Variants in ST6GALNAC4 observed in about 807,000 individuals in gnomAD.
ST6GALNAC4 encodes the protein alpha-N-acetyl-neuraminyl-2,3-beta-galactosyl-1,3-N-acetyl-galactosaminide alpha-2,6-sialyltransferase.
Under a neutral mutation model 30.4 loss-of-function variants are expected in ST6GALNAC4, and 24 were observed. That is an observed-to-expected ratio of 0.79 (90% confidence interval 0.57 to 1.11). The LOEUF is 1.11. ST6GALNAC4 is among the 50% of genes most tolerant of loss of function. The probability of loss-of-function intolerance (pLI) is 0.00; values close to 1 mark genes in which losing one functional copy is unlikely to be tolerated. For synonymous variants in ST6GALNAC4, 156 were observed against 179.7 expected (o/e 0.87, Z 1.05); for missense variants, 365 against 430.1 (o/e 0.85, Z 1.34).
In ST6GALNAC4 at chr9:127,908,412, G is replaced by A. The variant is rs748783853; in HGVS notation, c.889C>T (p.Pro297Ser). ...GGAAGCTACTCAGTCCTCCAGGACGGATGGGCGAACACGATGGGCCTCTTC... is the reference window on the plus strand; with the variant it reads ...GGAAGCTACTCAGTCCTCCAGGACGAATGGGCGAACACGATGGGCCTCTTC... ...AKKRPIVFAHPSWRTE is the reference protein window; with the variant it reads ...AKKRPIVFAHSSWRTE The change falls in exon 6 of 6, where the codon CCG (proline) becomes TCG (serine). Residue 297 changes from proline (P) to serine (S), a missense_variant. Pro to Ser is a moderately conservative substitution (Grantham distance 74). Transcript: ENST00000335791. The A allele has an allele frequency of 1.1e-5, 17 of 1,576,692 alleles. No homozygotes were observed. In the South Asian group the frequency reaches 1.8e-4, roughly 17 times the overall value.
At position 127,916,421 on chromosome 9, in the gene ST6GALNAC4, C is replaced by G. The variant is rs776395492; in HGVS notation, c.-2G>C. Reference sequence around the variant, plus strand: ...CTTCCCACTTACCGGAGCCTTCATGCTGTCGCTGTCCCTCAGTAGTCTAGG... The same window carrying G: ...CTTCCCACTTACCGGAGCCTTCATGGTGTCGCTGTCCCTCAGTAGTCTAGG... On this transcript the variant is annotated 5_prime_UTR_variant, in exon 2 of 6. Transcript: ENST00000335791. 1 of 1,614,226 alleles carries G rather than the reference C, an allele frequency of 6.2e-7. No individual in the cohort carries two copies. Among genetic ancestry groups the G allele is most frequent in the Non-Finnish European group, 8.5e-7 (1 of 1,180,038 alleles).
At chr9:127,910,459 T>C in intron 4 of ST6GALNAC4, 2 of 1,027,468 alleles carry the variant, frequency 1.9e-6, no homozygotes, top group Non-Finnish European at 2.3e-6. Flanking sequence ...CCAAGGATCT[T>C]CCACTTGAAC....
intron 5 of ST6GALNAC4, 32 bp from the exon 6 acceptor site, chr9:127,908,613 C>T (rs780055014): frequency 4.6e-6 from 7 of 1,522,134 alleles, no homozygotes; most frequent in Non-Finnish European, 6.2e-6. Context: ...TGGGGTGGGA[C>T]AGAACCCACT....
At chr9:127,913,383 G>C (rs1286160121) in intron 3 of ST6GALNAC4, among the ~76,000 whole-genome samples, 1 of 145,222 alleles carries the variant, frequency 6.9e-6, no homozygotes, top group East Asian at 2.1e-4. Context: ...TCAGGAGTTC[G>C]AGACCAGCCT....
chr9:127,913,257 C>T (rs917681894), intron 3 of ST6GALNAC4, among the ~76,000 whole-genome samples: 3 of 152,240 alleles, frequency 2.0e-5, no homozygotes, highest in Non-Finnish European at 4.4e-5. Context: ...GGCCTCTGTG[C>T]GCCTCAAGTC....
At chr9:127,912,712 A>T (rs1205129907) in intron 3 of ST6GALNAC4, 32 bp from the exon 4 acceptor site, 3 of 1,522,680 alleles carry the variant, frequency 2.0e-6, no homozygotes, top group Admixed American at 3.9e-5. Context: ...AGAGACAGAG[A>T]GGCATGAACA....
Position 127,909,998 on chromosome 9 carries a change from C to G in ST6GALNAC4, c.672G>C (p.Leu224=). 6.2e-7 allele frequency: 1 copy of G among 1,613,524 alleles called. No individual in the cohort carries two copies. Among genetic ancestry groups the G allele is most frequent in the Non-Finnish European group, 8.5e-7 (1 of 1,179,986 alleles). ...TCCCATAGACCACGATCTCCTCACA[C>G]AGCTCCAGCGCGAGGATCATGGTGA... ...GWFTMILALE[L]CEEIVVYGMV... The change falls in exon 5 of 6, where the codon CTG becomes CTC. Residue 224 remains leucine, a synonymous_variant. Transcript: ENST00000335791.
rs202036552 is a variant in ST6GALNAC4 at position 127,908,553 on chromosome 9, G to T, written c.748C>A (p.His250Asn). 1.9e-6 allele frequency: 3 copies of T among 1,595,698 alleles called. No homozygotes were observed. In the African/African-American group the frequency reaches 4.0e-5, roughly 21 times the overall value. Residue 250 changes from histidine to asparagine, a missense_variant, in exon 6 of 6, where the codon CAC becomes AAC. Physicochemically the swap from His to Asn is moderately conservative, Grantham distance 68 (BLOSUM62 1). Transcript: ENST00000335791. ...TCTAGCCGGCCCTTCTCAAAGTAGTGGTAAGGCACTGAGGGGTGGCTCTTC... is the reference window on the plus strand; with the variant it reads ...TCTAGCCGGCCCTTCTCAAAGTAGTTGTAAGGCACTGAGGGGTGGCTCTTC... ...REKSHPSVPY[H>N]YFEKGRLDEC... is the part of the protein sequence containing the mutation.
chr9:127,910,874 G>A (rs1831060779), intron 4 of ST6GALNAC4, among the ~76,000 whole-genome samples: 1 of 152,236 alleles, frequency 6.6e-6, no homozygotes, highest in African/African-American at 2.4e-5. Context: ...CTCTAAGCAA[G>A]ATGATGGCAG....
chr9:127,914,595 C>T, intron 3 of ST6GALNAC4, 61 bp downstream of exon 3: 1 of 1,441,380 alleles, frequency 6.9e-7, no homozygotes, highest in Non-Finnish European at 9.2e-7. Flanking sequence ...AGCTCAAGGT[C>T]CGGTTTGGGA....
In ST6GALNAC4 at chr9:127,910,050, G is replaced by A. The variant is rs760422008; in HGVS notation, c.620C>T (p.Ser207Leu). The change falls in exon 5 of 6, where the codon TCG becomes TTG. Residue 207 changes from serine (S) to leucine (L), a missense_variant. By Grantham distance (145) the Ser-to-Leu change is moderately radical. Transcript: ENST00000335791. The stretch of plus-strand genomic sequence containing the variant: ...CCAGCCGGTGCTGAGGAAGGAGCCC[G>A]ACTGCCTCCTGGGGGTGGCGGGGGG... ...QDETGKNRRQ[S>L]GSFLSTGWFT... is the part of the protein sequence containing the mutation. The A allele has an allele frequency of 2.8e-5, 45 of 1,613,146 alleles. No individual in the cohort carries two copies. The Middle Eastern group carries it at 8.2e-4, about 29-fold the overall frequency.
At chr9:127,910,760 C>T (rs1426227593) in intron 4 of ST6GALNAC4, among the ~76,000 whole-genome samples, 1 of 152,192 alleles carries the variant, frequency 6.6e-6, no homozygotes, top group African/African-American at 2.4e-5. Flanking sequence ...CACCCAGGCC[C>T]TGTGCTGGCC....
Position 127,912,617 on chromosome 9 carries a change from A to C in ST6GALNAC4, c.262T>G (p.Ser88Ala), listed in dbSNP as rs141790807. The C allele has an allele frequency of 2.6e-5, 42 of 1,605,654 alleles. No homozygotes were observed. The highest frequency in any genetic ancestry group is 8.3e-5 in the Admixed American group (5 of 59,940). Residue 88 changes from serine to alanine, a missense_variant, in exon 4 of 6, where the codon TCA (serine) becomes GCA (alanine). Ser to Ala is a moderately conservative substitution (Grantham distance 99, BLOSUM62 1). Transcript: ENST00000335791. ...VVSSSGQMLG[S>A]GLGAEIDSAE... is the part of the protein sequence containing the mutation. ...CTGTCGATCTCAGCACCCAGGCCTG[A>C]GCCCAGCATTTGGCCGGAGCTGGAC... is the stretch of plus-strand genomic sequence containing the variant.
At chr9:127,909,338 A>C (rs12552745) in intron 5 of ST6GALNAC4, among the ~76,000 whole-genome samples, 2 of 150,618 alleles carry the variant, frequency 1.3e-5, no homozygotes, top group Admixed American at 1.3e-4. Flanking sequence ...GCAGTGAGCC[A>C]AGATCGCGCC....
At position 127,913,541 on chromosome 9, in the gene ST6GALNAC4, C is replaced by T. The variant is rs1835612893; in HGVS notation, c.199-861G>A. Among the ~76,000 whole-genome samples the T allele has an allele frequency of 7.9e-5, 12 of 152,190 alleles. No homozygotes were observed. In the South Asian group the frequency reaches 2.1e-3, roughly 26 times the overall value. On this transcript the variant is annotated intron_variant, in intron 3 of 5. Coordinates refer to ENST00000335791, the MANE Select transcript of ST6GALNAC4 (RefSeq NM_175039.4). ...CGGAGGTTGCAGTGAGCCGAGATTG[C>T]GCCACTGTACTCCAGCCTGTTGACA...
At chr9:127,909,694 CAG>C (rs1424930126) in intron 5 of ST6GALNAC4, among the ~76,000 whole-genome samples, 4 of 151,662 alleles carry the variant, frequency 2.6e-5, no homozygotes, top group African/African-American at 9.7e-5. Context: ...CATAAGGAAA[CAG>C]AGGGTCTGCG....
intron 4 of ST6GALNAC4, chr9:127,910,560 A>G: frequency 1.0e-6 from 1 of 990,638 alleles, no homozygotes; most frequent in Non-Finnish European, 1.2e-6. Flanking sequence ...AGGGGGTTAT[A>G]GGGAGGGAAC....
Position 127,914,561 on chromosome 9 carries a change from C to CATG in ST6GALNAC4, c.198+92_198+94dup, listed in dbSNP as rs1182399646. The CATG allele has an allele frequency of 2.0e-5, 13 of 647,578 alleles. No homozygotes were observed. In the South Asian group the frequency reaches 3.2e-4, roughly 16 times the overall value. 40.1% of individuals were successfully genotyped at this position (647,578 alleles called of 1,614,324 possible). A position where few individuals can be genotyped will look rare whatever the true frequency, so the allele number is the denominator to read the frequency against. On this transcript the variant is annotated intron_variant, in intron 3 of 5. Transcript: ENST00000335791. ...GAGGTGATGTGATTGGCCAGGATCA[C>CATG]ATGGCTGGTGAGTAGAGGGGCCAAG...
intron 2 of ST6GALNAC4, among the ~76,000 whole-genome samples, chr9:127,915,449 T>C (rs1217179500): frequency 6.6e-6 from 1 of 152,192 alleles, no homozygotes; most frequent in Non-Finnish European, 1.5e-5. Context: ...GATCCGGATC[T>C]GGGTCAGCAG....
Sources: gnomAD v4.1 joint callset for allele counts (sites outside exome capture counted in the v4.1 genomes callset) on GRCh38, gnomAD v4.1.1 for gene constraint, MANE v1.5 for transcripts, NCBI Gene and HGNC (gene_info 2026-07-23, HGNC 2026-07-21) for gene names.